FLT1: variants seen among roughly 807,000 people sequenced by gnomAD.
The protein encoded by FLT1 is vascular endothelial growth factor receptor 1.
A neutral mutation model predicts 156.3 loss-of-function variants in FLT1; 49 were observed. The ratio of observed to expected loss-of-function variants is 0.31; its 90% CI spans 0.25 to 0.40. The LOEUF is 0.40. Among genes scored for constraint, FLT1 ranks in the 10% least tolerant of loss-of-function variants. The pLI is 1.00. For synonymous variants in FLT1, 594 were observed against 583.8 expected, an observed-to-expected ratio of 1.02 and a Z score of -0.25; for missense variants, 1,322 against 1,637.2, an observed-to-expected ratio of 0.81 and a Z score of 3.32.
At chr13:28,435,573 C>G (rs564718562) in intron 4 of FLT1, among the ~76,000 whole-genome samples, 1 of 152,174 alleles carries the variant, frequency 6.6e-6, no homozygotes, top group Non-Finnish European at 1.5e-5. Flanking sequence ...AAGCTCGAAA[C>G]CTTTTCTATC....
rs1271905407 is a variant in FLT1 at position 28,302,455 on chromosome 13, T to G, written c.*712A>C. On this transcript the variant is annotated 3_prime_UTR_variant, in exon 30 of 30. Coordinates refer to ENST00000282397, the MANE Select transcript of FLT1 (RefSeq NM_002019.4). ...ATAGGTAAAGTTCTAAAATTTGCTTTAGTTCCAAAAAAGATATTTGTCCTT... is the reference window on the plus strand; with the variant it reads ...ATAGGTAAAGTTCTAAAATTTGCTTGAGTTCCAAAAAAGATATTTGTCCTT... 1 of 233,156 alleles carries G rather than the reference T, an allele frequency of 4.3e-6. No individual in the cohort carries two copies. Among genetic ancestry groups the G allele is most frequent in the Non-Finnish European group, 8.5e-6 (1 of 118,036 alleles). The allele number at this position is 233,156 out of a possible 1,614,324, so 14.4% of individuals were successfully genotyped here.
rs1297682249 is a variant in FLT1 at position 28,302,097 on chromosome 13, C to T, written c.*1070G>A. 4.3e-6 allele frequency: 1 copy of T among 232,842 alleles called. No individual in the cohort carries two copies. Among genetic ancestry groups the T allele is most frequent in the Non-Finnish European group, 8.5e-6 (1 of 118,012 alleles). 14.4% of individuals were successfully genotyped at this position (232,842 alleles called of 1,614,324 possible). ...GGGGTTTTCCCTTGACCTTATTGAC[C>T]TTTTTCCTCCATCAGCCCTCGTTTT... On this transcript the variant is annotated 3_prime_UTR_variant, in exon 30 of 30. Coordinates refer to ENST00000282397, the MANE Select transcript of FLT1 (RefSeq NM_002019.4).
At chr13:28,474,524 A>ACACACACACACACG (rs1880439945) in intron 1 of FLT1, among the ~76,000 whole-genome samples, 1 of 150,502 alleles carries the variant, frequency 6.6e-6, no homozygotes, top group African/African-American at 2.4e-5. Context: ...ACACACACAC[A>ACACACACACACACG]AACCCCACAA....
At chr13:28,364,430 A>G (rs987000326) in intron 14 of FLT1, among the ~76,000 whole-genome samples, 1 of 152,176 alleles carries the variant, frequency 6.6e-6, no homozygotes, top group Non-Finnish European at 1.5e-5. Flanking sequence ...CAAATTTGTC[A>G]GTATTTTTTA....
At chr13:28,358,729 C>T (rs2137413013) in intron 14 of FLT1, among the ~76,000 whole-genome samples, 1 of 152,318 alleles carries the variant, frequency 6.6e-6, no homozygotes, top group African/African-American at 2.4e-5. Flanking sequence ...CTCTCTCTCC[C>T]ACACATGCTC....
At position 28,368,074 on chromosome 13, in the gene FLT1, C is replaced by G. The variant is rs991325100; in HGVS notation, c.2117-10389G>C. On this transcript the variant is annotated intron_variant, in intron 14 of 29. Coordinates refer to ENST00000282397, the MANE Select transcript of FLT1 (RefSeq NM_002019.4). ...TTTTCTCTAGAATATAATAAAGGATCAGGCTCAGAGTAGGCAATTAATGCA... is the reference window on the plus strand; with the variant it reads ...TTTTCTCTAGAATATAATAAAGGATGAGGCTCAGAGTAGGCAATTAATGCA... 7.2e-6 allele frequency: 5 copies of G among 699,060 alleles called. No individual in the cohort carries two copies. The African/African-American group carries it at 9.7e-5, about 14-fold the overall frequency. The allele number at this position is 699,060 out of a possible 1,614,324, so 43.3% of individuals were successfully genotyped here. A position where few individuals can be genotyped will look rare whatever the true frequency, so the allele number is the denominator to read the frequency against.
intron 13 of FLT1, 75 bp downstream of exon 13, chr13:28,389,721 G>C (rs757576314): frequency 6.2e-7 from 1 of 1,611,668 alleles, no homozygotes; most frequent in East Asian, 2.2e-5. Context: ...ACATTACTTT[G>C]TGTGGTACAA....
intron 12 of FLT1, among the ~76,000 whole-genome samples, chr13:28,395,346 C>T (rs993550485): frequency 6.6e-6 from 1 of 152,172 alleles, no homozygotes; most frequent in South Asian, 2.1e-4. Flanking sequence ...CTGTTCAGGT[C>T]CTGCTTCCTT....
rs977364905 is a variant in FLT1, at chr13:28,322,614, G to C, written c.2953+176C>G. ...AGGGGAGAAAACGGTACAGTTCCCT[G>C]TCAAAATTAGTAACTCTGTAAATTA... On this transcript the variant is annotated intron_variant, in intron 21 of 29. Coordinates refer to ENST00000282397, the MANE Select transcript of FLT1 (RefSeq NM_002019.4). The surrounding 1 kb of genome is among the most constrained non-coding windows in gnomAD (Gnocchi z 4.3). 1.9e-5 allele frequency: 14 copies of C among 743,420 alleles called. No individual in the cohort carries two copies. The highest frequency in any genetic ancestry group is 3.5e-5 in the African/African-American group (2 of 57,380). 46.1% of individuals were successfully genotyped at this position (743,420 alleles called of 1,614,324 possible). A position where few individuals can be genotyped will look rare whatever the true frequency, so the allele number is the denominator to read the frequency against.
intron 10 of FLT1, among the ~76,000 whole-genome samples, chr13:28,413,152 C>T (rs973434319): frequency 3.3e-5 from 5 of 152,088 alleles, no homozygotes; most frequent in Non-Finnish European, 5.9e-5. Context: ...TTTGGGTCGG[C>T]TCCCTGGACA....
intron 12 of FLT1, among the ~76,000 whole-genome samples, chr13:28,390,416 A>G (rs562236411): frequency 1.2e-3 from 179 of 151,762 alleles, no homozygotes; most frequent in African/African-American, 4.0e-3. Flanking sequence ...TTTTTTTTGA[A>G]TCAGGGTCTT....
chr13:28,467,384 G>A (rs1263759077), intron 2 of FLT1, 137 bp downstream of exon 2: 1 of 703,486 alleles, frequency 1.4e-6, no homozygotes, highest in African/African-American at 1.8e-5. Context: ...CCCCTTTCAT[G>A]GGAAGCTGGA....
rs1289552460 is a variant in FLT1 at position 28,431,131 on chromosome 13, C to T, written c.988+5G>A. 6.2e-7 allele frequency: 1 copy of T among 1,610,942 alleles called. No homozygotes were observed. Among genetic ancestry groups the T allele is most frequent in the Admixed American group, 1.7e-5 (1 of 60,004 alleles). On this transcript the variant is annotated splice_donor_5th_base_variant and intron_variant, in intron 7 of 29. Transcript: ENST00000282397. Reference sequence around the variant, plus strand: ...CATGAGTTGGCAACGCTGAACTATGCTTACCATATATATGCACTGAGGTGT... The same window carrying T: ...CATGAGTTGGCAACGCTGAACTATGTTTACCATATATATGCACTGAGGTGT...
In FLT1 at chr13:28,322,971, A is replaced by C; in HGVS notation, c.2797-25T>G. 1 of 1,613,974 alleles carries C rather than the reference A, an allele frequency of 6.2e-7. No individual in the cohort carries two copies. The highest frequency in any genetic ancestry group is 8.5e-7 in the Non-Finnish European group (1 of 1,179,890). On this transcript the variant is annotated intron_variant, in intron 20 of 29. Transcript: ENST00000282397. The surrounding 1 kb of genome is among the most constrained non-coding windows in gnomAD (Gnocchi z 4.3). ...CCTTTGAAGAGACCGAAAAGGACCCAGGTGAAAAGGAGCTCCAGCACAGCA... is the reference window on the plus strand; with the variant it reads ...CCTTTGAAGAGACCGAAAAGGACCCCGGTGAAAAGGAGCTCCAGCACAGCA...
chr13:28,307,678 A>T, intron 28 of FLT1, among the ~76,000 whole-genome samples: 1 of 147,768 alleles, frequency 6.8e-6, no homozygotes, highest in Non-Finnish European at 1.5e-5. Flanking sequence ...TTTAAGGGTG[A>T]CTGTGCTTGC....
chr13:28,325,936 A>G (rs1360654274), intron 20 of FLT1, among the ~76,000 whole-genome samples: 1 of 152,046 alleles, frequency 6.6e-6, no homozygotes, highest in East Asian at 1.9e-4. Context: ...TAATTAGATC[A>G]AAGTTTGAGG....
At position 28,306,748 on chromosome 13, in the gene FLT1, G is replaced by C; in HGVS notation, c.3745C>G (p.Leu1249Val). The C allele has an allele frequency of 4.3e-6, 7 of 1,613,710 alleles. No homozygotes were observed. The highest frequency in any genetic ancestry group is 5.9e-6 in the Non-Finnish European group (7 of 1,179,654). The change falls in exon 29 of 30, where the codon CTG becomes GTG. Residue 1249 changes from leucine to valine, a missense_variant. By Grantham distance (32) the Leu-to-Val change is conservative. Around this residue, in one of 3 missense-constraint regions of FLT1, gnomAD observed 329 missense variants for 366.2 expected, o/e 0.90. Coordinates refer to ENST00000282397, the MANE Select transcript of FLT1 (RefSeq NM_002019.4). ...CGCTTCAGCATGGGAGAGGCCAACAGAGTGCTGCTGTCGCCCTGGTAGTCC... is the reference window on the plus strand; with the variant it reads ...CGCTTCAGCATGGGAGAGGCCAACACAGTGCTGCTGTCGCCCTGGTAGTCC... The part of the protein sequence containing the change: ...FDDYQGDSST[L>V]LASPMLKRFT...
At chr13:28,353,450 G>A (rs1377027969) in intron 15 of FLT1, among the ~76,000 whole-genome samples, 2 of 151,692 alleles carry the variant, frequency 1.3e-5, no homozygotes, top group Admixed American at 6.6e-5. Flanking sequence ...GCACACGCCT[G>A]TAATCCCAGC....
chr13:28,465,570 C>T (rs868583172), intron 3 of FLT1, among the ~76,000 whole-genome samples: 2 of 152,116 alleles, frequency 1.3e-5, no homozygotes, highest in African/African-American at 2.4e-5. Context: ...TGGCCAGGCA[C>T]GGTAGCTCAT....
Sources: gnomAD v4.1 joint callset for allele counts (sites outside exome capture counted in the v4.1 genomes callset) on GRCh38, gnomAD v4.1.1 for gene constraint, gnomAD v4.1.1 regional missense constraint, Gnocchi (gnomAD v3.1) non-coding constraint, MANE v1.5 for transcripts, NCBI Gene and HGNC (gene_info 2026-07-23, HGNC 2026-07-21) for gene names.